Variants in NCKAP5 observed in about 807,000 individuals in gnomAD.
The protein encoded by NCKAP5 is NCK associated protein 5.
A neutral mutation model predicts 167.0 loss-of-function variants in NCKAP5; 92 were observed. That is an observed-to-expected ratio of 0.55 (90% CI 0.47 to 0.66). The LOEUF (loss-of-function observed/expected upper bound fraction) is 0.66. Among genes scored for constraint, NCKAP5 ranks in the 30% least tolerant of loss-of-function variants. The pLI is 0.00. For synonymous variants in NCKAP5, 891 were observed against 877.4 expected, an observed-to-expected ratio of 1.02 and a Z score of -0.27; for missense variants, 2,378 against 2,315.0, an observed-to-expected ratio of 1.03 and a Z score of -0.56.
intron 16 of NCKAP5, among the ~76,000 whole-genome samples, chr2:132,765,195 AG>A (rs1216422436): frequency 2.6e-5 from 4 of 152,230 alleles, no homozygotes; most frequent in African/African-American, 9.6e-5. Context: ...AACTGCACAT[AG>A]AGCAGTGATC....
rs547996624 is a variant in NCKAP5, at chr2:133,201,033, A to AT, written c.207+12682dup. Among the ~76,000 whole-genome samples, 31 of 152,290 alleles carry AT rather than the reference A, an allele frequency of 2.0e-4. 1 individual carries two copies. The East Asian group carries it at 5.8e-3, about 28-fold the overall frequency. On this transcript the variant is annotated intron_variant, in intron 5 of 19. Coordinates refer to ENST00000409261, the MANE Select transcript of NCKAP5 (RefSeq NM_207363.3). ...TTTCTAAATTGTGCACAGTTAAGAG[A>AT]TTAACAACAATAATAAAATAGAATC...
chr2:133,325,857 G>A (rs1682399103), intron 3 of NCKAP5, among the ~76,000 whole-genome samples: 1 of 152,092 alleles, frequency 6.6e-6, no homozygotes, highest in Admixed American at 6.6e-5. Flanking sequence ...CTGACACCTG[G>A]ACCCATCATA....
At chr2:132,746,735 G>A (rs967748027) in intron 16 of NCKAP5, among the ~76,000 whole-genome samples, 1 of 152,002 alleles carries the variant, frequency 6.6e-6, no homozygotes, top group Admixed American at 6.6e-5. Context: ...TCAGCCAGTG[G>A]ATAAACAAAT....
At chr2:133,401,235 G>C (rs199860328) in intron 3 of NCKAP5, among the ~76,000 whole-genome samples, 1 of 152,282 alleles carries the variant, frequency 6.6e-6, no homozygotes, top group Middle Eastern at 3.4e-3. Context: ...TGGTGCCTCC[G>C]GAGAGAGCAT....
At chr2:133,069,613 G>C (rs1459456752) in intron 6 of NCKAP5, among the ~76,000 whole-genome samples, 1 of 152,100 alleles carries the variant, frequency 6.6e-6, no homozygotes, top group African/African-American at 2.4e-5. Context: ...TCCTATCATT[G>C]TATCAAATAA....
At position 133,200,061 on chromosome 2, in the gene NCKAP5, C is replaced by CTTTTT. The variant is rs70973417; in HGVS notation, c.207+13650_207+13654dup. 6.9e-3 allele frequency among the ~76,000 whole-genome samples: 758 copies of CTTTTT among 109,324 alleles called. 27 individuals are homozygous for CTTTTT. Among genetic ancestry groups the CTTTTT allele is most frequent in the African/African-American group, 0.017 (484 of 29,070 alleles). The allele number at this position is 109,324 out of a possible 152,430, so 71.7% of individuals were successfully genotyped here. A position where few individuals can be genotyped will look rare whatever the true frequency, so the allele number is the denominator to read the frequency against. ...ATCCCAGTTGGCTTTTTTTTTCTTT[C>CTTTTT]TTTTTTTTTTTTTTTTTTGCAGAAA... On this transcript the variant is annotated intron_variant, in intron 5 of 19. Coordinates refer to ENST00000409261, the MANE Select transcript of NCKAP5 (RefSeq NM_207363.3).
chr2:132,745,864 T>G (rs1030521222), intron 16 of NCKAP5, among the ~76,000 whole-genome samples: 5 of 151,972 alleles, frequency 3.3e-5, no homozygotes, highest in Non-Finnish European at 2.9e-5. Context: ...AAAACACATC[T>G]TATAAAATGG....
chr2:133,505,939 T>A (rs1414829129), intron 3 of NCKAP5, among the ~76,000 whole-genome samples: 3 of 152,222 alleles, frequency 2.0e-5, no homozygotes, highest in African/African-American at 7.2e-5. Context: ...AACAATTCCT[T>A]GTTCTTTATT....
Position 132,920,771 on chromosome 2 carries a change from GTATATATATATATATATATATATA to G in NCKAP5, c.580-41879_580-41856del, listed in dbSNP as rs55895538. On this transcript the variant is annotated intron_variant, in intron 8 of 19. Coordinates refer to ENST00000409261, the MANE Select transcript of NCKAP5 (RefSeq NM_207363.3). ...TATATATATATGTATATATATGTATGTATATATATATATATATATATATATATATATATATATATATATATATGG... is the reference window on the plus strand; with the variant it reads ...TATATATATATGTATATATATGTATGTATATATATATATATATATATATGG... 4.8e-3 allele frequency among the ~76,000 whole-genome samples: 151 copies of G among 31,576 alleles called. 17 individuals carry two copies. The highest frequency in any genetic ancestry group is 0.014 in the African/African-American group (126 of 9,062). 20.7% of individuals were successfully genotyped at this position (31,576 alleles called of 152,430 possible).
chr2:133,633,323 G>A, the NCKAP5 span, among the ~76,000 whole-genome samples: 35,784 of 152,134 alleles, frequency 0.24, 4,436 homozygotes, highest in East Asian at 0.32. Context: ...CAGAACGGCC[G>A]CTTGGCCTTT....
chr2:133,538,549 C>CA lies in NCKAP5; in HGVS notation c.-62+20500dup, dbSNP rs200980708. On this transcript the variant is annotated intron_variant, in intron 2 of 19. Coordinates refer to ENST00000409261, the MANE Select transcript of NCKAP5 (RefSeq NM_207363.3). ...ATGAACAAATAAACATTTCTGTGAA[C>CA]AAAAAAAAAACTGAGCTCAGAGAAG... 4.1e-4 allele frequency among the ~76,000 whole-genome samples: 60 copies of CA among 146,202 alleles called. No homozygotes were observed. The East Asian group carries it at 4.4e-3, about 11-fold the overall frequency.
intron 15 of NCKAP5, among the ~76,000 whole-genome samples, chr2:132,776,565 G>C (rs996631991): frequency 6.6e-6 from 1 of 152,160 alleles, no homozygotes; most frequent in Non-Finnish European, 1.5e-5. Context: ...CTCACTGGGG[G>C]AAATTGTGAA....
chr2:133,101,901 T>C (rs1256841707), intron 6 of NCKAP5, among the ~76,000 whole-genome samples: 4 of 152,108 alleles, frequency 2.6e-5, no homozygotes, highest in Non-Finnish European at 5.9e-5. Flanking sequence ...CTCCGTCATG[T>C]AGCATGCAAA....
In NCKAP5 at chr2:133,399,660, T is replaced by G. The variant is rs1339477741; in HGVS notation, c.70-96550A>C. 2.0e-5 allele frequency among the ~76,000 whole-genome samples: 3 copies of G among 152,322 alleles called. No individual in the cohort carries two copies. The East Asian group carries it at 5.8e-4, about 29-fold the overall frequency. ...AGGGACAGTGTGAAACCTTCAATAA[T>G]ATTTAGAAATATGTGTAGGAGAGCT... On this transcript the variant is annotated intron_variant, in intron 3 of 19. Coordinates refer to ENST00000409261, the MANE Select transcript of NCKAP5 (RefSeq NM_207363.3).
intron 8 of NCKAP5, among the ~76,000 whole-genome samples, chr2:132,889,644 A>T (rs965231024): frequency 6.6e-6 from 1 of 152,352 alleles, no homozygotes; most frequent in Non-Finnish European, 1.5e-5. Flanking sequence ...AAAGGTGCAC[A>T]TTGGACTAAA....
intron 16 of NCKAP5, among the ~76,000 whole-genome samples, chr2:132,755,404 T>C (rs922730278): frequency 2.0e-5 from 3 of 152,216 alleles, no homozygotes; most frequent in Non-Finnish European, 4.4e-5. Flanking sequence ...TAAGGCAGTC[T>C]ATTCGTCAAT....
intron 7 of NCKAP5, among the ~76,000 whole-genome samples, chr2:132,976,701 A>C (rs2076988061): frequency 6.6e-6 from 1 of 152,020 alleles, no homozygotes. Context: ...TATGTTAATT[A>C]GCTTGATCTA....
intron 2 of NCKAP5, among the ~76,000 whole-genome samples, chr2:133,526,224 G>GAAGA (rs760103421): frequency 2.6e-5 from 3 of 114,372 alleles, no homozygotes; most frequent in African/African-American, 3.7e-5. Flanking sequence ...AGGAAGGAAG[G>GAAGA]AAGAAAGGAA....
intron 7 of NCKAP5, among the ~76,000 whole-genome samples, chr2:132,970,250 G>A (rs908926409): frequency 6.6e-6 from 1 of 152,090 alleles, no homozygotes; most frequent in African/African-American, 2.4e-5. Flanking sequence ...CAAATTTTAG[G>A]TCCTTTGCCA....
Sources: allele counts gnomAD v4.1 joint callset (sites outside exome capture counted in the v4.1 genomes callset), GRCh38; gene constraint gnomAD v4.1.1; transcripts MANE v1.5; gene names NCBI Gene and HGNC (gene_info 2026-07-23, HGNC 2026-07-21).